Variants in MCC observed in about 807,000 individuals in gnomAD.
MCC encodes MCC regulator of Wnt signaling pathway, also known as colorectal mutant cancer protein.
In MCC, 90 loss-of-function variants were observed where a neutral mutation model predicts 116.2. That is an observed-to-expected ratio of 0.77 (90% confidence interval 0.65 to 0.92). The LOEUF (loss-of-function observed/expected upper bound fraction) is 0.92, where lower values mean the gene tolerates loss of function less well. MCC is among the 40% of genes least tolerant of loss of function. The probability of loss-of-function intolerance (pLI) is 0.00; values close to 1 mark genes in which losing one functional copy is unlikely to be tolerated. For synonymous variants in MCC, 578 were observed against 510.5 expected, an observed-to-expected ratio of 1.13 and a Z score of -1.78; for missense variants, 1,516 against 1,312.2, an observed-to-expected ratio of 1.16 and a Z score of -2.40.
chr5:113,467,859 T>C (rs1451343769), intron 1 of MCC, among the ~76,000 whole-genome samples: 4 of 152,204 alleles, frequency 2.6e-5, no homozygotes, highest in African/African-American at 2.4e-5. Flanking sequence ...TTTTATTTCA[T>C]TGAGCAGTGG....
At chr5:113,132,387 C>CATAT (rs112148771) in intron 5 of MCC, among the ~76,000 whole-genome samples, 23 of 136,938 alleles carry the variant, frequency 1.7e-4, no homozygotes, top group African/African-American at 6.2e-4. Flanking sequence ...TATATACATA[C>CATAT]ATATATATAT....
chr5:113,286,385 T>C (rs1451582660), intron 3 of MCC, among the ~76,000 whole-genome samples: 1 of 152,238 alleles, frequency 6.6e-6, no homozygotes, highest in Non-Finnish European at 1.5e-5. Context: ...ATTCTTCCTT[T>C]GACAACTGCT....
intron 3 of MCC, among the ~76,000 whole-genome samples, chr5:113,297,153 A>G (rs1766733982): frequency 1.3e-5 from 2 of 152,228 alleles, no homozygotes; most frequent in South Asian, 2.1e-4. Context: ...AAAGTGGGAA[A>G]TGAACATGCC....
intron 3 of MCC, among the ~76,000 whole-genome samples, chr5:113,308,965 C>T (rs1329492309): frequency 6.6e-6 from 1 of 152,192 alleles, no homozygotes; most frequent in Non-Finnish European, 1.5e-5. Flanking sequence ...ATTGCTATGG[C>T]TAGTCCCCAT....
At chr5:113,439,014 T>C (rs1770951004) in intron 1 of MCC, among the ~76,000 whole-genome samples, 1 of 152,214 alleles carries the variant, frequency 6.6e-6, no homozygotes, top group African/African-American at 2.4e-5. Flanking sequence ...GTTGAGGCAG[T>C]GTCTTCTAAG....
chr5:113,106,759 G>A (rs966665746), intron 6 of MCC, among the ~76,000 whole-genome samples: 1 of 152,112 alleles, frequency 6.6e-6, no homozygotes. Context: ...CAGGGTCTAT[G>A]TTGCCTGTCT....
At chr5:113,197,289 G>T (rs1402151139) in intron 3 of MCC, among the ~76,000 whole-genome samples, 4 of 152,000 alleles carry the variant, frequency 2.6e-5, no homozygotes, top group African/African-American at 2.4e-5. Context: ...GCCCAAATAG[G>T]CAAACAAAGA....
At chr5:113,219,640 C>T (rs149717689) in intron 3 of MCC, among the ~76,000 whole-genome samples, 174 of 152,102 alleles carry the variant, frequency 1.1e-3, no homozygotes, top group African/African-American at 3.9e-3. Context: ...TCCCTTATAC[C>T]GATTTTCTCT....
At chr5:113,088,726 G>C (rs974805323) in intron 8 of MCC, among the ~76,000 whole-genome samples, 4 of 152,130 alleles carry the variant, frequency 2.6e-5, no homozygotes, top group African/African-American at 9.7e-5. Flanking sequence ...CTTTGAGGGA[G>C]TGTGGCTCTG....
At chr5:113,457,619 G>T (rs1207745589) in intron 1 of MCC, among the ~76,000 whole-genome samples, 2 of 152,204 alleles carry the variant, frequency 1.3e-5, no homozygotes, top group Non-Finnish European at 2.9e-5. Flanking sequence ...GAGTCTGGTG[G>T]GGCCTTGGAG....
chr5:113,486,742 C>G (rs762290892), intron 1 of MCC, among the ~76,000 whole-genome samples: 3 of 151,718 alleles, frequency 2.0e-5, no homozygotes, highest in Non-Finnish European at 2.9e-5. Context: ...ACTCGGGAAG[C>G]TGAGGCAGGA....
chr5:113,156,019 G>A (rs967542260), intron 3 of MCC, among the ~76,000 whole-genome samples: 6 of 152,122 alleles, frequency 3.9e-5, no homozygotes, highest in Non-Finnish European at 7.3e-5. Context: ...TTGCTGTTTG[G>A]TATCTTATGT....
chr5:113,434,479 A>G lies in MCC; in HGVS notation c.171-49267T>C. ...TCGTGGCAGTACTTGATGGCCAAGG[A>G]AAGCTGGTGGAACTTCTTGCGAGCT... On this transcript the variant is annotated intron_variant, in intron 1 of 18. Coordinates refer to ENST00000408903, the MANE Select transcript of MCC (RefSeq NM_001085377.2). The surrounding 1 kb of genome is among the most constrained non-coding windows in gnomAD (Gnocchi z 4.2). 1 of 1,613,512 alleles carries G rather than the reference A, an allele frequency of 6.2e-7. No homozygotes were observed. Among genetic ancestry groups the G allele is most frequent in the Non-Finnish European group, 8.5e-7 (1 of 1,179,648 alleles).
chr5:113,289,398 T>C (rs1328403199), intron 3 of MCC, among the ~76,000 whole-genome samples: 2 of 151,994 alleles, frequency 1.3e-5, no homozygotes, highest in Admixed American at 6.6e-5. Context: ...TGTCATTTTG[T>C]GGCTTCTGGA....
chr5:113,091,706 A>G (rs1405737534), intron 8 of MCC, among the ~76,000 whole-genome samples: 1 of 152,050 alleles, frequency 6.6e-6, no homozygotes, highest in Non-Finnish European at 1.5e-5. Flanking sequence ...ATAGCGCAAG[A>G]CCCTGTCTCT....
At position 113,104,285 on chromosome 5, in the gene MCC, C is replaced by T; in HGVS notation, c.1098G>A (p.Arg366=). ...LTGLENVVCG[R]KKSSCSLSVA... ...CGGAGAGGCTGCAGCTGCTCTTCTT[C>T]CTGCCGCAGACAACATTCTCCAGCC... The change falls in exon 7 of 19, where the codon AGG becomes AGA. Residue 366 remains arginine, a synonymous_variant. Transcript: ENST00000408903. 6.2e-7 allele frequency: 1 copy of T among 1,614,060 alleles called. No homozygotes were observed. Among genetic ancestry groups the T allele is most frequent in the Non-Finnish European group, 8.5e-7 (1 of 1,180,028 alleles).
At chr5:113,223,255 T>A (rs1352823718) in intron 3 of MCC, among the ~76,000 whole-genome samples, 1 of 152,188 alleles carries the variant, frequency 6.6e-6, no homozygotes. Flanking sequence ...CCCATAAGCA[T>A]GTTCTGTTTG....
intron 3 of MCC, among the ~76,000 whole-genome samples, chr5:113,281,361 C>A (rs1766041354): frequency 6.6e-6 from 1 of 152,126 alleles, no homozygotes; most frequent in African/African-American, 2.4e-5. Context: ...TACAGTAATT[C>A]ACAAAGTGTG....
At chr5:113,416,993 C>T (rs1485227687) in intron 1 of MCC, among the ~76,000 whole-genome samples, 2 of 121,718 alleles carry the variant, frequency 1.6e-5, no homozygotes, top group Admixed American at 9.6e-5. Context: ...TTTTTTGAGA[C>T]GGAGTCTTGC....
Sources: gnomAD v4.1 joint callset for allele counts (sites outside exome capture counted in the v4.1 genomes callset) on GRCh38, gnomAD v4.1.1 for gene constraint, Gnocchi (gnomAD v3.1) non-coding constraint, MANE v1.5 for transcripts, NCBI Gene and HGNC (gene_info 2026-07-23, HGNC 2026-07-21) for gene names.